EIF3H: variants seen among roughly 807,000 people sequenced by gnomAD.
EIF3H encodes eIF-3-gamma.
Under a neutral mutation model 44.2 loss-of-function variants are expected in EIF3H, and 26 were observed. That is an observed-to-expected ratio of 0.59 (90% confidence interval 0.43 to 0.82). EIF3H has a LOEUF of 0.82. EIF3H is among the 40% of genes least tolerant of loss of function. The pLI, the probability that EIF3H is intolerant of heterozygous loss-of-function variation, is 0.00. For synonymous variants in EIF3H, 166 were observed against 151.9 expected (o/e 1.09, Z -0.68); for missense variants, 359 against 432.8 (o/e 0.83, Z 1.51).
intron 5 of EIF3H, among the ~76,000 whole-genome samples, chr8:116,655,405 C>T (rs571180198): frequency 2.6e-5 from 4 of 151,976 alleles, no homozygotes; most frequent in Admixed American, 2.0e-4. Context: ...AATTTTACAA[C>T]TGCAAGAGTC....
chr8:116,664,885 T>TAGGGA (rs1302234582), intron 2 of EIF3H, among the ~76,000 whole-genome samples: 1 of 152,182 alleles, frequency 6.6e-6, no homozygotes, highest in Admixed American at 6.5e-5. Context: ...ACACAGCCTG[T>TAGGGA]AGGGAAAGAG....
chr8:116,765,267 T>C (rs776187532), intron 1 of EIF3H, among the ~76,000 whole-genome samples: 2 of 152,182 alleles, frequency 1.3e-5, no homozygotes, highest in Non-Finnish European at 2.9e-5. Context: ...CATTTTAAGT[T>C]TAAATGAAAG....
At chr8:116,746,000 C>G (rs765503001) in intron 1 of EIF3H, among the ~76,000 whole-genome samples, 1 of 151,878 alleles carries the variant, frequency 6.6e-6, no homozygotes, top group Non-Finnish European at 1.5e-5. Flanking sequence ...CTTAGGGACA[C>G]GTACCAGTAC....
At chr8:116,674,321 T>TGG (rs1410781105) in intron 2 of EIF3H, among the ~76,000 whole-genome samples, 190 of 14,376 alleles carry the variant, frequency 0.013, no homozygotes, top group Non-Finnish European at 0.056. Flanking sequence ...GGGGTGGAGG[T>TGG]GGGGGGGGGT....
At chr8:116,732,210 G>A (rs1425462548) in intron 1 of EIF3H, among the ~76,000 whole-genome samples, 1 of 151,806 alleles carries the variant, frequency 6.6e-6, no homozygotes, top group Non-Finnish European at 1.5e-5. Context: ...ACTTTTTAAA[G>A]TGTCTGGCTT....
chr8:116,751,652 A>C (rs920125640), intron 1 of EIF3H, among the ~76,000 whole-genome samples: 1 of 152,264 alleles, frequency 6.6e-6, no homozygotes, highest in African/African-American at 2.4e-5. Flanking sequence ...TTCAAGAGCC[A>C]TTACTGGCAG....
chr8:116,733,992 G>A (rs7013617), intron 1 of EIF3H, among the ~76,000 whole-genome samples: 135,323 of 152,220 alleles, frequency 0.89, 60,440 homozygotes, highest in African/African-American at 0.96. Context: ...ATGGATAATC[G>A]TATCTGTTCT....
chr8:116,754,362 C>T (rs1815406790), intron 1 of EIF3H, among the ~76,000 whole-genome samples: 1 of 152,184 alleles, frequency 6.6e-6, no homozygotes, highest in African/African-American at 2.4e-5. Flanking sequence ...CCGCCCGCCT[C>T]GGCCTCCCAA....
At chr8:116,692,580 T>G (rs1814196989) in intron 2 of EIF3H, among the ~76,000 whole-genome samples, 2 of 152,146 alleles carry the variant, frequency 1.3e-5, no homozygotes. Flanking sequence ...TGACTGAGAC[T>G]TACTTAATTA....
intron 2 of EIF3H, among the ~76,000 whole-genome samples, chr8:116,702,589 T>C (rs1814395923): frequency 6.6e-6 from 1 of 152,190 alleles, no homozygotes; most frequent in South Asian, 2.1e-4. Context: ...TTAGACAGTG[T>C]CTAGCATAGT....
intron 2 of EIF3H, among the ~76,000 whole-genome samples, chr8:116,725,297 C>T (rs965664651): frequency 1.3e-5 from 2 of 152,094 alleles, no homozygotes; most frequent in Admixed American, 6.6e-5. Flanking sequence ...AGGGATTGTT[C>T]GATGGATACA....
intron 2 of EIF3H, chr8:116,697,103 TC>T (rs1325039692): frequency 2.2e-6 from 1 of 456,218 alleles, no homozygotes; most frequent in Non-Finnish European, 4.4e-6. Flanking sequence ...CACCCAGCTG[TC>T]CCTGGTGAAT....
intron 2 of EIF3H, among the ~76,000 whole-genome samples, chr8:116,662,406 G>A (rs1813598766): frequency 6.6e-6 from 1 of 152,174 alleles, no homozygotes; most frequent in African/African-American, 2.4e-5. Flanking sequence ...TTCTCACCAT[G>A]ACTGCTCCTA....
At chr8:116,690,417 G>A (rs1302814586) in intron 2 of EIF3H, among the ~76,000 whole-genome samples, 1 of 152,062 alleles carries the variant, frequency 6.6e-6, no homozygotes, top group Non-Finnish European at 1.5e-5. Flanking sequence ...AGAATGGGCT[G>A]GACAGAGCGG....
intron 1 of EIF3H, among the ~76,000 whole-genome samples, chr8:116,749,053 A>G (rs1379302741): frequency 6.6e-6 from 1 of 152,208 alleles, no homozygotes; most frequent in Non-Finnish European, 1.5e-5. Flanking sequence ...TATTAATAAC[A>G]TACTCTACCT....
chr8:116,755,687 C>T lies in EIF3H; in HGVS notation c.111G>A (p.Lys37=), dbSNP rs772520597. 10 of 1,614,038 alleles carry T rather than the reference C, an allele frequency of 6.2e-6. No homozygotes were observed. The highest frequency in any genetic ancestry group is 8.5e-6 in the Non-Finnish European group (10 of 1,180,030). The change falls in exon 1 of 8, where the codon AAG becomes AAA. Residue 37 remains lysine (K), a synonymous_variant. Transcript: ENST00000521861. ...GKGGSGDSAV[K]QVQIDGLVVL... ...TCACAAGGCCATCTATCTGCACTTG[C>T]TTCACGGCTGAATCTCCCGAGCCGC...
chr8:116,754,344 C>T (rs1815406485), intron 1 of EIF3H, among the ~76,000 whole-genome samples: 1 of 152,138 alleles, frequency 6.6e-6, no homozygotes, highest in Admixed American at 6.5e-5. Flanking sequence ...AACTCCTGAC[C>T]TCCTGATCCG....
intron 2 of EIF3H, among the ~76,000 whole-genome samples, chr8:116,695,944 G>A (rs1814262855): frequency 6.6e-6 from 1 of 152,204 alleles, no homozygotes; most frequent in Non-Finnish European, 1.5e-5. Context: ...ACTGGAGTTG[G>A]AGCTATCAGT....
At chr8:116,745,832 A>C (rs1223537589) in intron 1 of EIF3H, among the ~76,000 whole-genome samples, 1 of 152,034 alleles carries the variant, frequency 6.6e-6, no homozygotes, top group African/African-American at 2.4e-5. Flanking sequence ...GGGGCACGAG[A>C]ATCGCTTGAA....
Sources: gnomAD v4.1 joint callset for allele counts (sites outside exome capture counted in the v4.1 genomes callset) on GRCh38, gnomAD v4.1.1 for gene constraint, MANE v1.5 for transcripts, NCBI Gene and HGNC (gene_info 2026-07-23, HGNC 2026-07-21) for gene names.